KREMEN1: variants seen among roughly 807,000 people sequenced by gnomAD.
KREMEN1 encodes the protein kringle containing transmembrane protein 1, also known as kremen protein 1.
KREMEN1 carries 30 observed loss-of-function variants against 46.5 expected under a neutral mutation model. The observed-to-expected ratio is 0.65, with a 90% CI of 0.48 to 0.88. The LOEUF is 0.88. KREMEN1 is among the 40% of genes least tolerant of loss of function. KREMEN1 has a pLI of 0.00. For missense variants in KREMEN1, 533 were observed against 596.9 expected, an observed-to-expected ratio of 0.89 and a Z score of 1.11; for synonymous variants, 214 against 230.6, an observed-to-expected ratio of 0.93 and a Z score of 0.65.
chr22:29,092,174 T>C (rs134656), intron 1 of KREMEN1, among the ~76,000 whole-genome samples: 93,681 of 152,070 alleles, frequency 0.62, 29,768 homozygotes, highest in African/African-American at 0.76. Context: ...GCATCAAAGA[T>C]GGAGAGAAGG....
chr22:29,075,334 C>T (rs1393737248), intron 1 of KREMEN1, among the ~76,000 whole-genome samples: 5 of 152,150 alleles, frequency 3.3e-5, no homozygotes, highest in African/African-American at 7.2e-5. Flanking sequence ...CTCTGATTTG[C>T]ATCAAGTGAG....
At chr22:29,161,163 G>C (rs1223277643) in intron 9 of KREMEN1, among the ~76,000 whole-genome samples, 1 of 151,976 alleles carries the variant, frequency 6.6e-6, no homozygotes, top group Non-Finnish European at 1.5e-5. Flanking sequence ...TCCCAAGAGT[G>C]AATCAGGAAG....
At chr22:29,091,546 A>G (rs537586155) in intron 1 of KREMEN1, among the ~76,000 whole-genome samples, 1 of 152,350 alleles carries the variant, frequency 6.6e-6, no homozygotes, top group South Asian at 2.1e-4. Context: ...CACAGCAATT[A>G]AAATTCTAGC....
chr22:29,114,019 A>T (rs1017608006), intron 3 of KREMEN1, among the ~76,000 whole-genome samples: 27 of 152,188 alleles, frequency 1.8e-4, no homozygotes, highest in Admixed American at 1.6e-3. Context: ...CAGCCTTGAC[A>T]GCAACTGTTT....
chr22:29,159,449 T>G (rs376629883), intron 9 of KREMEN1, among the ~76,000 whole-genome samples: 1 of 151,702 alleles, frequency 6.6e-6, no homozygotes, highest in African/African-American at 2.4e-5. Flanking sequence ...TGAAACCCTA[T>G]CTCTACTAAA....
chr22:29,079,821 A>T (rs2037627159), intron 1 of KREMEN1, among the ~76,000 whole-genome samples: 3 of 152,376 alleles, frequency 2.0e-5, no homozygotes, highest in Admixed American at 2.0e-4. Context: ...GGAGGAAAAC[A>T]TGGCAACCAA....
At chr22:29,108,185 G>A (rs1210230085) in intron 3 of KREMEN1, among the ~76,000 whole-genome samples, 1 of 152,230 alleles carries the variant, frequency 6.6e-6, no homozygotes, top group African/African-American at 2.4e-5. Context: ...TACTTGGGAG[G>A]CTAAGGCAGG....
At position 29,125,298 on chromosome 22, in the gene KREMEN1, T is replaced by C; in HGVS notation, c.513T>C (p.Cys171=). The C allele has an allele frequency of 6.2e-7, 1 of 1,614,124 alleles. No individual in the cohort carries two copies. Among genetic ancestry groups the C allele is most frequent in the Non-Finnish European group, 8.5e-7 (1 of 1,180,010 alleles). Residue 171 remains cysteine (C), a synonymous_variant, in exon 5 of 9, where the codon TGT becomes TGC. Coordinates refer to ENST00000400335, the MANE Select transcript of KREMEN1 (RefSeq NM_001039570.3). Reference sequence around the variant, plus strand: ...TGGAGTCAGGCTATGCTTGCTTCTGTGGAAACAATCCTGATTACTGGAAGT... The same window carrying C: ...TGGAGTCAGGCTATGCTTGCTTCTGCGGAAACAATCCTGATTACTGGAAGT... The part of the protein sequence containing the change: ...AGMESGYACF[C]GNNPDYWKYG...
At chr22:29,105,544 G>A (rs2038047519) in intron 3 of KREMEN1, among the ~76,000 whole-genome samples, 1 of 151,762 alleles carries the variant, frequency 6.6e-6, no homozygotes, top group South Asian at 2.1e-4. Flanking sequence ...TGGTGTTGCT[G>A]AAACATAAAT....
chr22:29,138,852 A>G, intron 7 of KREMEN1, 70 bp downstream of exon 7: 1 of 1,610,326 alleles, frequency 6.2e-7, no homozygotes, highest in Non-Finnish European at 8.5e-7. Context: ...CTTGACAGTT[A>G]TAAAGACAAA....
At chr22:29,105,823 C>A (rs2038051000) in intron 3 of KREMEN1, among the ~76,000 whole-genome samples, 1 of 152,210 alleles carries the variant, frequency 6.6e-6, no homozygotes, top group East Asian at 1.9e-4. Flanking sequence ...AGGATGCCAG[C>A]AGTTGCACTT....
chr22:29,076,572 C>T lies in KREMEN1; in HGVS notation c.97+3345C>T, dbSNP rs960807252. Among the ~76,000 whole-genome samples the T allele has an allele frequency of 8.5e-5, 13 of 152,250 alleles. No individual in the cohort carries two copies. In the East Asian group the frequency reaches 2.1e-3, roughly 25 times the overall value. Reference sequence around the variant, plus strand: ...GACAAACCATTTAAATCTTTGAGGCCGGGCGCGGTGGCTCACACCTGTAAT... The same window carrying T: ...GACAAACCATTTAAATCTTTGAGGCTGGGCGCGGTGGCTCACACCTGTAAT... On this transcript the variant is annotated intron_variant, in intron 1 of 8. Transcript: ENST00000400335.
intron 5 of KREMEN1, among the ~76,000 whole-genome samples, chr22:29,130,180 A>G (rs1056138876): frequency 6.6e-6 from 1 of 152,234 alleles, no homozygotes; most frequent in Non-Finnish European, 1.5e-5. Flanking sequence ...CTTATTTTAC[A>G]GATGAGAAAA....
At chr22:29,122,766 C>T (rs374117112) in intron 4 of KREMEN1, among the ~76,000 whole-genome samples, 10 of 151,594 alleles carry the variant, frequency 6.6e-5, no homozygotes, top group Admixed American at 5.9e-4. Flanking sequence ...GGTGAAACCC[C>T]GTCTGTACTA....
rs1012104023 is a variant in KREMEN1, at chr22:29,076,576, C to T, written c.97+3349C>T. ...AACCATTTAAATCTTTGAGGCCGGG[C>T]GCGGTGGCTCACACCTGTAATCCCA... On this transcript the variant is annotated intron_variant, in intron 1 of 8. Coordinates refer to ENST00000400335, the MANE Select transcript of KREMEN1 (RefSeq NM_001039570.3). 4.6e-5 allele frequency among the ~76,000 whole-genome samples: 7 copies of T among 152,158 alleles called. No homozygotes were observed. The South Asian group carries it at 8.3e-4, about 18-fold the overall frequency.
chr22:29,166,969 C>A, intron 9 of KREMEN1: 1 of 1,168,900 alleles, frequency 8.6e-7, no homozygotes, highest in Non-Finnish European at 1.3e-6. Context: ...CAGTCAAATG[C>A]TTCTAACTGT....
chr22:29,103,887 G>C (rs1057395907), intron 3 of KREMEN1, among the ~76,000 whole-genome samples: 1 of 151,972 alleles, frequency 6.6e-6, no homozygotes, highest in Non-Finnish European at 1.5e-5. Flanking sequence ...CATAATATTT[G>C]GGATTTGTTT....
At chr22:29,131,340 T>C (rs140368140) in intron 5 of KREMEN1, among the ~76,000 whole-genome samples, 1 of 151,954 alleles carries the variant, frequency 6.6e-6, no homozygotes, top group Non-Finnish European at 1.5e-5. Context: ...TAATTTTAGG[T>C]ATAATGTACA....
intron 5 of KREMEN1, among the ~76,000 whole-genome samples, chr22:29,126,211 AC>A (rs1324160383): frequency 2.0e-5 from 3 of 152,092 alleles, no homozygotes; most frequent in Non-Finnish European, 2.9e-5. Context: ...TGGCATCTCA[AC>A]CAGGCAGCAT....
Sources: gnomAD v4.1 joint callset for allele counts (sites outside exome capture counted in the v4.1 genomes callset) on GRCh38, gnomAD v4.1.1 for gene constraint, MANE v1.5 for transcripts, NCBI Gene and HGNC (gene_info 2026-07-23, HGNC 2026-07-21) for gene names.